Variants in IL21R observed in about 807,000 individuals in gnomAD.
The protein encoded by IL21R is interleukin 21 receptor, also known as interleukin-21 receptor.
Under a neutral mutation model 41.3 loss-of-function variants are expected in IL21R, and 14 were observed. The ratio of observed to expected loss-of-function variants is 0.34; its 90% CI spans 0.22 to 0.53. The LOEUF is 0.53. IL21R is among the 20% of genes least tolerant of loss of function. The probability of loss-of-function intolerance (pLI) is 0.94; values close to 1 mark genes in which losing one functional copy is unlikely to be tolerated. For missense variants in IL21R, 588 were observed against 681.6 expected (o/e 0.86, Z 1.53); for synonymous variants, 286 against 287.6 (o/e 0.99, Z 0.05).
Position 27,403,826 on chromosome 16 carries a change from C to T in IL21R, c.-17+1208C>T, listed in dbSNP as rs115170711. Among the ~76,000 whole-genome samples, 400 of 152,258 alleles carry T rather than the reference C, an allele frequency of 2.6e-3. 2 individuals are homozygous for T. The highest frequency in any genetic ancestry group is 9.1e-3 in the African/African-American group (376 of 41,542). ...GCCTGGCCAGCCACCTGGCTCTGGC[C>T]CCCCCAGTGCCAACTCACCATGTTG... is the stretch of plus-strand genomic sequence containing the variant. On this transcript the variant is annotated intron_variant, in intron 1 of 8. Coordinates refer to ENST00000337929, the MANE Select transcript of IL21R (RefSeq NM_181078.3).
intron 1 of IL21R, among the ~76,000 whole-genome samples, chr16:27,413,436 T>C (rs1290322902): frequency 6.6e-6 from 1 of 152,140 alleles, no homozygotes; most frequent in East Asian, 1.9e-4. Flanking sequence ...TGCATCTTTG[T>C]CTGGCTTTGG....
At chr16:27,404,348 C>T (rs560110944) in intron 1 of IL21R, among the ~76,000 whole-genome samples, 2 of 152,296 alleles carry the variant, frequency 1.3e-5, no homozygotes, top group African/African-American at 4.8e-5. Flanking sequence ...CAGGCTCCCA[C>T]TGCCCAGCGT....
chr16:27,443,167 C>T (rs761246044), intron 5 of IL21R, 51 bp downstream of exon 5: 29 of 1,499,626 alleles, frequency 1.9e-5, no homozygotes, highest in East Asian at 4.8e-5. Flanking sequence ...GGGGAGATGA[C>T]GGAGTGCAAA....
At position 27,448,767 on chromosome 16, in the gene IL21R, G is replaced by C; in HGVS notation, c.1101G>C (p.Arg367Ser). Reference protein sequence around the residue: ...NSGGSAYSEERDRPYGLVSID... With the variant: ...NSGGSAYSEESDRPYGLVSID... ...GGGGCTCAGCTTACAGTGAGGAGAG[G>C]GATCGGCCATACGGCCTGGTGTCCA... Residue 367 changes from arginine to serine, a missense_variant, in exon 9 of 9, where the codon AGG becomes AGC. By Grantham distance (110) the Arg-to-Ser change is moderately radical. Transcript: ENST00000337929. The C allele has an allele frequency of 6.2e-7, 1 of 1,613,630 alleles. No individual in the cohort carries two copies. The highest frequency in any genetic ancestry group is 1.3e-5 in the African/African-American group (1 of 75,066).
intron 1 of IL21R, among the ~76,000 whole-genome samples, chr16:27,412,902 C>T (rs1402784588): frequency 6.6e-6 from 1 of 152,100 alleles, no homozygotes; most frequent in Non-Finnish European, 1.5e-5. Context: ...CATATAAAAT[C>T]ACGTAATCTG....
chr16:27,436,512 A>C (rs2087273950), intron 3 of IL21R, among the ~76,000 whole-genome samples: 1 of 152,206 alleles, frequency 6.6e-6, no homozygotes, highest in African/African-American at 2.4e-5. Flanking sequence ...ATTCCAGCAA[A>C]TTTGGCAGAG....
Position 27,443,100 on chromosome 16 carries a change from G to C in IL21R, c.491G>C (p.Gly164Ala). ...TATGAGCTGCAGTACAGGAACCGGGGAGACCCCTGGGCTGTGGTGAGGAAT... is the reference window on the plus strand; with the variant it reads ...TATGAGCTGCAGTACAGGAACCGGGCAGACCCCTGGGCTGTGGTGAGGAAT... ...LQYELQYRNR[G>A]DPWAVSPRRK... The change falls in exon 5 of 9, where the codon GGA becomes GCA. Residue 164 changes from glycine (G) to alanine (A), a missense_variant. Coordinates refer to ENST00000337929, the MANE Select transcript of IL21R (RefSeq NM_181078.3). 6.2e-7 allele frequency: 1 copy of C among 1,612,786 alleles called. No homozygotes were observed. The highest frequency in any genetic ancestry group is 1.1e-5 in the South Asian group (1 of 90,806).
Position 27,418,586 on chromosome 16 carries a change from A to G in IL21R, c.-16-11470A>G, listed in dbSNP as rs147333295. 3.3e-3 allele frequency among the ~76,000 whole-genome samples: 494 copies of G among 150,874 alleles called. 2 individuals are homozygous for G. Among genetic ancestry groups the G allele is most frequent in the East Asian group, 8.8e-3 (44 of 4,998 alleles). On this transcript the variant is annotated intron_variant, in intron 1 of 8. Coordinates refer to ENST00000337929, the MANE Select transcript of IL21R (RefSeq NM_181078.3). The stretch of plus-strand genomic sequence containing the variant: ...GGGGTTTCACCATGTTAGCCAGGAT[A>G]GTCTTGATCACCTGACCTCGTGATC...
chr16:27,444,882 C>T (rs892951144), intron 6 of IL21R, among the ~76,000 whole-genome samples, 163 bp downstream of exon 6: 2 of 152,188 alleles, frequency 1.3e-5, no homozygotes, highest in African/African-American at 4.8e-5. Context: ...CTGGCCAGGC[C>T]CTGTTGGGTG....
At chr16:27,404,585 A>G (rs2086709078) in intron 1 of IL21R, among the ~76,000 whole-genome samples, 1 of 152,208 alleles carries the variant, frequency 6.6e-6, no homozygotes, top group East Asian at 1.9e-4. Context: ...TTCCACAGCC[A>G]GAGAGGGAAG....
rs147074639 is a variant in IL21R at position 27,419,911 on chromosome 16, C to T, written c.-16-10145C>T. ...CTATCTTTTTTTTTTTTTTTTGAGA[C>T]GGAGTCTCACTCTGTTGTCCAGGCT... On this transcript the variant is annotated intron_variant, in intron 1 of 8. Transcript: ENST00000337929. Among the ~76,000 whole-genome samples, 154 of 133,468 alleles carry T rather than the reference C, an allele frequency of 1.2e-3. 3 individuals are homozygous for T. Among genetic ancestry groups the T allele is most frequent in the African/African-American group, 3.9e-3 (139 of 35,394 alleles). 87.6% of individuals were successfully genotyped at this position (133,468 alleles called of 152,430 possible).
chr16:27,418,956 C>G (rs112701237), intron 1 of IL21R, among the ~76,000 whole-genome samples: 11 of 151,152 alleles, frequency 7.3e-5, no homozygotes, highest in Non-Finnish European at 1.5e-4. Context: ...GGCTCATGCC[C>G]GTAATCCCGG....
At position 27,449,458 on chromosome 16, in the gene IL21R, A is replaced by ATGTGTGTG. The variant is rs35044665; in HGVS notation, c.*187_*194dup. ...TGCATATGTGTGTGTGTGCATATGCATGTGTGTGTGTGTGTGTGTCTTAGG... is the reference window on the plus strand; with the variant it reads ...TGCATATGTGTGTGTGTGCATATGCATGTGTGTGTGTGTGTGTGTGTGTGTGTCTTAGG... On this transcript the variant is annotated 3_prime_UTR_variant, in exon 9 of 9. Coordinates refer to ENST00000337929, the MANE Select transcript of IL21R (RefSeq NM_181078.3). The ATGTGTGTG allele has an allele frequency of 3.3e-6, 2 of 600,460 alleles. No homozygotes were observed. The highest frequency in any genetic ancestry group is 1.9e-5 in the African/African-American group (1 of 53,222). The allele number at this position is 600,460 out of a possible 1,614,324, so 37.2% of individuals were successfully genotyped here.
Position 27,445,998 on chromosome 16 carries a change from C to T in IL21R, c.786-9C>T. 1 of 1,607,988 alleles carries T rather than the reference C, an allele frequency of 6.2e-7. No individual in the cohort carries two copies. The highest frequency in any genetic ancestry group is 8.5e-7 in the Non-Finnish European group (1 of 1,176,532). ...ATGTCAGGGTCCTCACCCCTCTCTG[C>T]CCCCTCAGGCTATGGAAGAAGATAT... On this transcript the variant is annotated splice_polypyrimidine_tract_variant and intron_variant, in intron 7 of 8. Coordinates refer to ENST00000337929, the MANE Select transcript of IL21R (RefSeq NM_181078.3).
rs566495388 is a variant in IL21R at position 27,430,855 on chromosome 16, C to T, written c.49+735C>T. 3.3e-5 allele frequency among the ~76,000 whole-genome samples: 5 copies of T among 152,210 alleles called. No individual in the cohort carries two copies. In the East Asian group the frequency reaches 7.7e-4, roughly 24 times the overall value. On this transcript the variant is annotated intron_variant, in intron 2 of 8. Coordinates refer to ENST00000337929, the MANE Select transcript of IL21R (RefSeq NM_181078.3). ...AACAACAATAAACAAACAAAAAAAT[C>T]GCTAGATTCTTAGCAGGCACTGGTG... is the stretch of plus-strand genomic sequence containing the variant.
chr16:27,448,718 T>G lies in IL21R; in HGVS notation c.1052T>G (p.Phe351Cys), dbSNP rs371659579. 6.2e-7 allele frequency: 1 copy of G among 1,613,238 alleles called. No individual in the cohort carries two copies. The highest frequency in any genetic ancestry group is 1.3e-5 in the African/African-American group (1 of 74,936). The change falls in exon 9 of 9, where the codon TTC (phenylalanine) becomes TGC (cysteine). Residue 351 changes from phenylalanine to cysteine, a missense_variant. By Grantham distance (205) the Phe-to-Cys change is radical (BLOSUM62 -2). Coordinates refer to ENST00000337929, the MANE Select transcript of IL21R (RefSeq NM_181078.3). ...TCTGACGGTGTGCCCAAGCCCAGCT[T>G]CTGGCCGACAGCCCAGAACTCGGGG... Reference protein sequence around the residue: ...VESDGVPKPSFWPTAQNSGGS... With the variant: ...VESDGVPKPSCWPTAQNSGGS...
intron 1 of IL21R, among the ~76,000 whole-genome samples, chr16:27,429,463 G>A (rs1461123729): frequency 2.0e-5 from 3 of 152,036 alleles, no homozygotes; most frequent in African/African-American, 4.8e-5. Flanking sequence ...ATAGTCAGCA[G>A]TCTCCTCCCT....
chr16:27,446,590 A>G (rs2141314540), intron 8 of IL21R, among the ~76,000 whole-genome samples: 1 of 110,406 alleles, frequency 9.1e-6, no homozygotes, highest in East Asian at 2.5e-4. Flanking sequence ...ACTATATCTT[A>G]AAAAAAAAAA....
intron 1 of IL21R, among the ~76,000 whole-genome samples, chr16:27,404,988 C>T (rs1337340436): frequency 6.6e-6 from 1 of 151,798 alleles, no homozygotes; most frequent in African/African-American, 2.4e-5. Context: ...GAGCTGGGCA[C>T]AGATGGCTCA....
Sources: gnomAD v4.1 joint callset for allele counts (sites outside exome capture counted in the v4.1 genomes callset) on GRCh38, gnomAD v4.1.1 for gene constraint, MANE v1.5 for transcripts, NCBI Gene and HGNC (gene_info 2026-07-23, HGNC 2026-07-21) for gene names.